GALK1: variants seen among roughly 807,000 people sequenced by gnomAD.
The protein encoded by GALK1 is galactokinase.
Under a neutral mutation model 38.6 loss-of-function variants are expected in GALK1, and 30 were observed. The observed-to-expected ratio is 0.78, with a 90% CI of 0.58 to 1.05. GALK1 has a LOEUF of 1.05. Among genes scored for constraint, GALK1 ranks in the 50% least tolerant of loss-of-function variants. The probability of loss-of-function intolerance (pLI) is 0.00; values close to 1 mark genes in which losing one functional copy is unlikely to be tolerated. For missense variants in GALK1, 512 were observed against 540.5 expected (o/e 0.95, Z 0.52); for synonymous variants, 240 against 233.6 (o/e 1.03, Z -0.25).
At chr17:75,757,073 C>T (rs752571680), downstream of GALK1, 121 of 1,612,750 alleles carry the variant, frequency 7.5e-5, 1 homozygote, top group Middle Eastern at 3.3e-4. Flanking sequence ...GGCCAGAGCG[C>T]GAGGGCATCA....
chr17:75,763,860 T>C, intron 2 of GALK1, 37 bp downstream of exon 2: 1 of 1,587,026 alleles, frequency 6.3e-7, no homozygotes, highest in Non-Finnish European at 8.6e-7. Flanking sequence ...GCACTCCTAG[T>C]ATCAGTGAGG....
chr17:75,758,001 C>T lies in GALK1; in HGVS notation c.*55G>A, dbSNP rs1317386858. On this transcript the variant is annotated 3_prime_UTR_variant, in exon 8 of 8. Coordinates refer to ENST00000588479, the MANE Select transcript of GALK1 (RefSeq NM_000154.2). Reference sequence around the variant, plus strand: ...TGGAAGATGGCACCGGGCACAGAGCCGTGGGACTGGCCTGCAGGCCCCGCA... The same window carrying T: ...TGGAAGATGGCACCGGGCACAGAGCTGTGGGACTGGCCTGCAGGCCCCGCA... The T allele has an allele frequency of 1.0e-5, 16 of 1,588,518 alleles. No individual in the cohort carries two copies. Among genetic ancestry groups the T allele is most frequent in the African/African-American group, 4.0e-5 (3 of 74,406 alleles).
At chr17:75,764,608 G>T in intron 1 of GALK1, 1 of 460,880 alleles carries the variant, frequency 2.2e-6, no homozygotes, top group Admixed American at 3.0e-5. Context: ...CGTTCGCCCA[G>T]GTCTGCGGTT....
In GALK1 at chr17:75,763,007, GC is replaced by G; in HGVS notation, c.611+6del. The G allele has an allele frequency of 6.2e-7, 1 of 1,612,648 alleles. No homozygotes were observed. Among genetic ancestry groups the G allele is most frequent in the Non-Finnish European group, 8.5e-7 (1 of 1,179,982 alleles). On this transcript the variant is annotated splice_donor_region_variant and intron_variant, in intron 4 of 7. Transcript: ENST00000588479. ...GGGCGGGAGGGGACGAGGGGAGCGAGCCCAACCTGCAGTCAATGAGCAGCGC... is the reference window on the plus strand; with the variant it reads ...GGGCGGGAGGGGACGAGGGGAGCGAGCCAACCTGCAGTCAATGAGCAGCGC...
chr17:75,757,482 A>G (rs1266523093), downstream of GALK1: 1 of 1,612,906 alleles, frequency 6.2e-7, no homozygotes. Flanking sequence ...GTGACCCAGG[A>G]GTTTGTGAGC....
Position 75,763,513 on chromosome 17 carries a change from C to A in GALK1, c.356-74G>T, listed in dbSNP as rs184364091. On this transcript the variant is annotated intron_variant, in intron 2 of 7. Transcript: ENST00000588479. ...GGCACAGGAAGGGCAGGTGTCCTGG[C>A]GGGAAGGGCAGCAACGGCCTAGCAG... 3.2e-4 allele frequency: 478 copies of A among 1,498,510 alleles called. 2 individuals carry two copies. Among genetic ancestry groups the A allele is most frequent in the Non-Finnish European group, 2.7e-4 (299 of 1,104,854 alleles). The allele number at this position is 1,498,510 out of a possible 1,614,324, so 92.8% of individuals were successfully genotyped here. A position where few individuals can be genotyped will look rare whatever the true frequency, so the allele number is the denominator to read the frequency against.
downstream of GALK1, chr17:75,757,180 G>A (rs1300021657): frequency 4.3e-6 from 7 of 1,612,288 alleles, no homozygotes; most frequent in Admixed American, 1.7e-5. Context: ...CCCTCTGACT[G>A]GCCTATCTGC....
chr17:75,761,414 G>T (rs893188382), intron 5 of GALK1, among the ~76,000 whole-genome samples: 2 of 151,580 alleles, frequency 1.3e-5, no homozygotes, highest in African/African-American at 4.8e-5. Flanking sequence ...GAGATCAGGA[G>T]TTCGAGACCA....
downstream of GALK1, chr17:75,757,290 C>G (rs1023805043): frequency 1.2e-5 from 19 of 1,612,118 alleles, no homozygotes; most frequent in African/African-American, 1.7e-4. Flanking sequence ...CACACCAGCG[C>G]CACCGAGCCC....
intron 5 of GALK1, among the ~76,000 whole-genome samples, chr17:75,762,273 C>T (rs1160454592): frequency 6.6e-6 from 1 of 151,654 alleles, no homozygotes; most frequent in Non-Finnish European, 1.5e-5. Context: ...GCTATGATCA[C>T]ACCACTACAC....
At chr17:75,755,947 C>A, downstream of GALK1, 2 of 1,440,980 alleles carry the variant, frequency 1.4e-6, no homozygotes, top group Non-Finnish European at 1.9e-6. Flanking sequence ...GGAACCCACC[C>A]AAGTCCCTTG....
Position 75,758,500 on chromosome 17 carries a change from C to A in GALK1, c.893G>T (p.Gly298Val), listed in dbSNP as rs1486151526. ...GAGGCGGCCAAAGGCTCTGTAGTCG[C>A]CACGTCTCAGGGCGGCCGCTGCCTG... ...TAQAAAALRR[G>V]DYRAFGRLMV... Residue 298 changes from glycine to valine, a missense_variant, in exon 6 of 8, where the codon GGC becomes GTC. By Grantham distance (109) the Gly-to-Val change is moderately radical (BLOSUM62 -3). Coordinates refer to ENST00000588479, the MANE Select transcript of GALK1 (RefSeq NM_000154.2). 3.8e-6 allele frequency: 6 copies of A among 1,579,438 alleles called. No individual in the cohort carries two copies. In the South Asian group the frequency reaches 5.8e-5, roughly 15 times the overall value.
At chr17:75,762,151 G>A (rs969410688) in intron 5 of GALK1, among the ~76,000 whole-genome samples, 7 of 152,140 alleles carry the variant, frequency 4.6e-5, no homozygotes, top group African/African-American at 1.4e-4. Context: ...CTGCAAGACC[G>A]TCTTTACAAA....
intron 5 of GALK1, 45 bp downstream of exon 5, chr17:75,762,659 G>C: frequency 6.2e-7 from 1 of 1,602,788 alleles, no homozygotes; most frequent in Non-Finnish European, 8.5e-7. Context: ...GGCGCCAGCA[G>C]GGAGCACAGC....
In GALK1 at chr17:75,763,008, C is replaced by T. The variant is rs759864030; in HGVS notation, c.611+6G>A. 1 of 1,612,646 alleles carries T rather than the reference C, an allele frequency of 6.2e-7. No individual in the cohort carries two copies. The highest frequency in any genetic ancestry group is 8.5e-7 in the Non-Finnish European group (1 of 1,179,992). ...GGCGGGAGGGGACGAGGGGAGCGAGCCCAACCTGCAGTCAATGAGCAGCGC... is the reference window on the plus strand; with the variant it reads ...GGCGGGAGGGGACGAGGGGAGCGAGTCCAACCTGCAGTCAATGAGCAGCGC... On this transcript the variant is annotated splice_donor_region_variant and intron_variant, in intron 4 of 7. Transcript: ENST00000588479.
chr17:75,755,948 A>C, downstream of GALK1: 3 of 1,432,628 alleles, frequency 2.1e-6, no homozygotes, highest in East Asian at 7.4e-5. Flanking sequence ...GAACCCACCC[A>C]AGTCCCTTGA....
chr17:75,755,937 G>A, downstream of GALK1: 1 of 1,490,624 alleles, frequency 6.7e-7, no homozygotes, highest in Non-Finnish European at 9.1e-7. Context: ...AGCTGTGTCA[G>A]GAACCCACCC....
chr17:75,753,785 C>T (rs747007572), downstream of GALK1: 2 of 1,453,394 alleles, frequency 1.4e-6, no homozygotes, highest in Admixed American at 2.2e-5. Flanking sequence ...GAAGTTCGAG[C>T]CCCTGCTGGG....
downstream of GALK1, chr17:75,753,892 GC>G: frequency 5.4e-6 from 7 of 1,302,150 alleles, no homozygotes; most frequent in Non-Finnish European, 6.8e-6. Flanking sequence ...ACGCCGAGGC[GC>G]CCCACGGGCC....
Sources: allele counts gnomAD v4.1 joint callset (sites outside exome capture counted in the v4.1 genomes callset), GRCh38; gene constraint gnomAD v4.1.1; transcripts MANE v1.5; gene names NCBI Gene and HGNC (gene_info 2026-07-23, HGNC 2026-07-21).